Variants in FUT8 observed in about 807,000 individuals in gnomAD.
FUT8 encodes the protein alpha-(1,6)-fucosyltransferase.
FUT8 carries 29 observed loss-of-function variants against 71.3 expected under a neutral mutation model. The observed-to-expected ratio is 0.41, with a 90% CI of 0.30 to 0.55. The LOEUF is 0.55. Among genes scored for constraint, FUT8 ranks in the 20% least tolerant of loss-of-function variants. The probability of loss-of-function intolerance (pLI) is 0.34; values close to 1 mark genes in which losing one functional copy is unlikely to be tolerated. For missense variants in FUT8, 544 were observed against 702.1 expected (o/e 0.77, Z 2.55); for synonymous variants, 254 against 239.3 (o/e 1.06, Z -0.57).
chr14:65,652,930 G>A lies in FUT8; in HGVS notation c.598-16313G>A, dbSNP rs1212916805. On this transcript the variant is annotated intron_variant, in intron 6 of 10. Transcript: ENST00000673929. This position sits in a 1 kb window ranked among gnomAD's most constrained non-coding sequence, Gnocchi z 4.0. ...AGGGGATCATTGGCCATCTCTCTCT[G>A]TATTGGTCTTTTCAGTATTGCAACT... Among the ~76,000 whole-genome samples, 2 of 152,148 alleles carry A rather than the reference G, an allele frequency of 1.3e-5. No homozygotes were observed. The highest frequency in any genetic ancestry group is 4.8e-5 in the African/African-American group (2 of 41,426).
chr14:65,578,630 A>G (rs550359105), intron 3 of FUT8, among the ~76,000 whole-genome samples: 20 of 152,226 alleles, frequency 1.3e-4, no homozygotes, highest in African/African-American at 4.8e-4. Flanking sequence ...TTCTTCTTCT[A>G]ATGTGGCCCA....
Position 65,543,074 on chromosome 14 carries a change from G to A in FUT8, c.-227-18263G>A, listed in dbSNP as rs369563604. 6.6e-5 allele frequency among the ~76,000 whole-genome samples: 10 copies of A among 152,248 alleles called. No homozygotes were observed. The East Asian group carries it at 1.4e-3, about 21-fold the overall frequency. ...TGGGATTACAGGCGTGAGCCACCGC[G>A]CCTGGCCATGACTAGGAATTTTTTT... is the stretch of plus-strand genomic sequence containing the variant. On this transcript the variant is annotated intron_variant, in intron 2 of 10. Transcript: ENST00000673929.
intron 2 of FUT8, among the ~76,000 whole-genome samples, chr14:65,456,542 T>C (rs768281623): frequency 1.3e-4 from 20 of 152,024 alleles, no homozygotes; most frequent in Non-Finnish European, 2.1e-4. Flanking sequence ...ATCATAAAAC[T>C]GCTGCAATCA....
At chr14:65,615,665 C>A (rs1220079502) in intron 3 of FUT8, among the ~76,000 whole-genome samples, 1 of 152,074 alleles carries the variant, frequency 6.6e-6, no homozygotes, top group African/African-American at 2.4e-5. Context: ...AATAATTGAC[C>A]TCTTTGCCAC....
At chr14:65,584,821 T>G (rs1887289083) in intron 3 of FUT8, among the ~76,000 whole-genome samples, 1 of 152,258 alleles carries the variant, frequency 6.6e-6, no homozygotes. Flanking sequence ...AGTTTGTGTA[T>G]GTTTGTATTT....
rs1465256850 is a variant in FUT8, at chr14:65,574,054, TAAA to T, written c.203+12289_203+12291del. On this transcript the variant is annotated intron_variant, in intron 3 of 10. Transcript: ENST00000673929. The surrounding 1 kb of genome is among the most constrained non-coding windows in gnomAD (Gnocchi z 5.2). The stretch of plus-strand genomic sequence containing the variant: ...TCTGCAGTTTATTTCAAGGCTCAAT[TAAA>T]GAAGGATACAGTTCTAAAATCATGT... 6.6e-6 allele frequency among the ~76,000 whole-genome samples: 1 copy of T among 152,112 alleles called. No homozygotes were observed. Among genetic ancestry groups the T allele is most frequent in the East Asian group, 1.9e-4 (1 of 5,192 alleles).
intron 2 of FUT8, among the ~76,000 whole-genome samples, chr14:65,508,719 C>G (rs1882126298): frequency 1.3e-5 from 2 of 151,652 alleles, no homozygotes; most frequent in African/African-American, 4.8e-5. Flanking sequence ...CCAGGCTGGT[C>G]TTGAACTCCT....
the FUT8 span, among the ~76,000 whole-genome samples, chr14:65,371,662 C>A: frequency 6.6e-6 from 1 of 152,228 alleles, no homozygotes; most frequent in Non-Finnish European, 1.5e-5. Flanking sequence ...CATTAGGAGT[C>A]CTTCAAGCTG....
chr14:65,369,996 G>A, the FUT8 span, among the ~76,000 whole-genome samples: 1 of 151,792 alleles, frequency 6.6e-6, no homozygotes, highest in Non-Finnish European at 1.5e-5. The surrounding 1 kb of genome is among the most constrained non-coding windows in gnomAD (Gnocchi z 4.6). Context: ...ACCCCTTTCC[G>A]GTAACAAAGA....
rs2139610083 is a variant in FUT8, at chr14:65,467,062, C to T, written c.-228+11344C>T. ...GATTTAGTTTTACCTTTATTTTTTT[C>T]CTCTACACTCTTCCTTTCTTTTTGT... On this transcript the variant is annotated intron_variant, in intron 2 of 10. Coordinates refer to ENST00000673929, the MANE Select transcript of FUT8 (RefSeq NM_001371533.1). This position sits in a 1 kb window ranked among gnomAD's most constrained non-coding sequence, Gnocchi z 4.1. Among the ~76,000 whole-genome samples, 1 of 152,008 alleles carries T rather than the reference C, an allele frequency of 6.6e-6. No homozygotes were observed. Among genetic ancestry groups the T allele is most frequent in the African/African-American group, 2.4e-5 (1 of 41,498 alleles).
intron 3 of FUT8, among the ~76,000 whole-genome samples, chr14:65,567,912 T>C (rs1357185393): frequency 6.6e-6 from 1 of 151,936 alleles, no homozygotes; most frequent in Non-Finnish European, 1.5e-5. Flanking sequence ...TTTCAGGTTA[T>C]CAAGGTTTAT....
At chr14:65,679,816 T>C (rs901988258) in intron 7 of FUT8, among the ~76,000 whole-genome samples, 8 of 152,210 alleles carry the variant, frequency 5.3e-5, no homozygotes, top group African/African-American at 1.2e-4. Flanking sequence ...TAAAATCTTA[T>C]GCTCTAAAAA....
At chr14:65,520,102 T>TA (rs1354786501) in intron 2 of FUT8, among the ~76,000 whole-genome samples, 1 of 152,210 alleles carries the variant, frequency 6.6e-6, no homozygotes, top group Non-Finnish European at 1.5e-5. Context: ...TAACAACATT[T>TA]ACCTGTAACA....
intron 8 of FUT8, 88 bp from the exon 9 acceptor site, chr14:65,724,059 A>G (rs1315818222): frequency 6.3e-6 from 6 of 953,104 alleles, no homozygotes; most frequent in Non-Finnish European, 8.9e-6. Flanking sequence ...AATGCCTATA[A>G]TGCCACCATA....
chr14:65,682,270 A>G (rs780622963), intron 7 of FUT8, among the ~76,000 whole-genome samples: 2 of 152,254 alleles, frequency 1.3e-5, no homozygotes, highest in Non-Finnish European at 2.9e-5. Context: ...TGGGAGGTTG[A>G]TGCAGGAGGA....
At chr14:65,624,898 A>G (rs1309979657) in intron 5 of FUT8, among the ~76,000 whole-genome samples, 1 of 152,116 alleles carries the variant, frequency 6.6e-6, no homozygotes, top group East Asian at 1.9e-4. Context: ...AACCCTGTCA[A>G]TACTATAAAC....
chr14:65,693,891 C>G (rs1893846271), intron 7 of FUT8, among the ~76,000 whole-genome samples: 1 of 152,186 alleles, frequency 6.6e-6, no homozygotes, highest in Non-Finnish European at 1.5e-5. Context: ...ATTCAGATTA[C>G]CAAATTCTCC....
the FUT8 span, among the ~76,000 whole-genome samples, chr14:65,388,349 G>C: frequency 6.6e-6 from 1 of 152,128 alleles, no homozygotes; most frequent in African/African-American, 2.4e-5. Flanking sequence ...TAAGCAAACT[G>C]TATTAGATAT....
chr14:65,561,611 T>G lies in FUT8; in HGVS notation c.48T>G (p.Phe16Leu). Reference sequence around the variant, plus strand: ...GGCGTTGGATTATGCTCATTCTTTTTGCCTGGGGGACCTTGCTGTTTTATA... The same window carrying G: ...GGCGTTGGATTATGCTCATTCTTTTGGCCTGGGGGACCTTGCTGTTTTATA... ...GSWRWIMLIL[F>L]AWGTLLFYIG... Residue 16 changes from phenylalanine to leucine, a missense_variant, in exon 3 of 11, where the codon TTT (phenylalanine) becomes TTG (leucine). Transcript: ENST00000673929. 1 of 1,613,592 alleles carries G rather than the reference T, an allele frequency of 6.2e-7. No individual in the cohort carries two copies. Among genetic ancestry groups the G allele is most frequent in the Non-Finnish European group, 8.5e-7 (1 of 1,179,590 alleles).
Sources: allele counts gnomAD v4.1 joint callset (sites outside exome capture counted in the v4.1 genomes callset), GRCh38; gene constraint gnomAD v4.1.1; non-coding constraint Gnocchi (gnomAD v3.1); transcripts MANE v1.5; gene names NCBI Gene and HGNC (gene_info 2026-07-23, HGNC 2026-07-21).